The following COQ9 variants were observed in gnomAD, a reference collection of about 807,000 sequenced individuals.
The protein encoded by COQ9 is coenzyme Q9.
COQ9 carries 35 observed loss-of-function variants against 42.4 expected under a neutral mutation model. The ratio of observed to expected loss-of-function variants is 0.83; its 90% CI spans 0.63 to 1.10. The LOEUF (loss-of-function observed/expected upper bound fraction) is 1.10, where lower values mean the gene tolerates loss of function less well. Ranked by LOEUF, COQ9 falls within the 50% of genes least tolerant of loss-of-function variation. The pLI, the probability that COQ9 is intolerant of heterozygous loss-of-function variation, is 0.00. For missense variants in COQ9, 406 were observed against 414.6 expected (o/e 0.98, Z 0.18); for synonymous variants, 155 against 155.1 (o/e 1.00, Z 0.00).
In COQ9 at chr16:57,451,103, C is replaced by T; in HGVS notation, c.137C>T (p.Ser46Phe). The change falls in exon 2 of 9, where the codon TCT becomes TTT. Residue 46 changes from serine to phenylalanine, a missense_variant. Transcript: ENST00000262507. ...AFHASAVGLR[S>F]SDEQKQQPPN... Reference sequence around the variant, plus strand: ...CATGCTTCAGCTGTGGGGCTAAGGTCTTCAGATGAGCAGAAGCAGCAGCCT... The same window carrying T: ...CATGCTTCAGCTGTGGGGCTAAGGTTTTCAGATGAGCAGAAGCAGCAGCCT... 6.2e-7 allele frequency: 1 copy of T among 1,614,152 alleles called. No individual in the cohort carries two copies.
rs769613375 is a variant in COQ9, at chr16:57,460,043, CCTT to C, written c.868-5_868-3del. 6.2e-7 allele frequency: 1 copy of C among 1,614,014 alleles called. No homozygotes were observed. The highest frequency in any genetic ancestry group is 1.1e-5 in the South Asian group (1 of 91,060). On this transcript the variant is annotated splice_region_variant and splice_polypyrimidine_tract_variant and intron_variant, in intron 7 of 8. Transcript: ENST00000262507. ...GGCCTAAGGGAACCTGACACTGACT[CCTT>C]CTAGGTAAAGTCCACAGGAGAGGCA...
chr16:57,451,579 C>T (rs1489552227), intron 2 of COQ9, among the ~76,000 whole-genome samples: 3 of 152,196 alleles, frequency 2.0e-5, no homozygotes, highest in Non-Finnish European at 2.9e-5. Flanking sequence ...GCAGTTTTAT[C>T]CAAAATTACA....
In COQ9 at chr16:57,451,178, C is replaced by G. The variant is rs200508466; in HGVS notation, c.212C>G (p.Pro71Arg). 2 of 1,614,204 alleles carry G rather than the reference C, an allele frequency of 1.2e-6. No individual in the cohort carries two copies. The highest frequency in any genetic ancestry group is 1.7e-6 in the Non-Finnish European group (2 of 1,180,030). ...TCTGAGACACAGGGGGCAGAAAAAC[C>G]TGATCCAGAGTCTTCTCATTCACCC... ...QHSETQGAEKPDPESSHSPPR... is the reference protein window; with the variant it reads ...QHSETQGAEKRDPESSHSPPR... The change falls in exon 2 of 9, where the codon CCT becomes CGT. Residue 71 changes from proline to arginine, a missense_variant. Transcript: ENST00000262507.
At chr16:57,448,358 T>C (rs1303180285) in intron 1 of COQ9, among the ~76,000 whole-genome samples, 2 of 151,550 alleles carry the variant, frequency 1.3e-5, no homozygotes, top group East Asian at 1.9e-4. Context: ...TTTTTTTTTT[T>C]CTGAGACAGG....
intron 1 of COQ9, chr16:57,447,965 T>C (rs1360062694): frequency 5.5e-6 from 1 of 182,714 alleles, no homozygotes; most frequent in Non-Finnish European, 1.1e-5. Context: ...GTCCATTGTT[T>C]CCCGAAAGCC....
rs112075830 is a variant in COQ9, at chr16:57,461,035, C to T, written c.*411C>T. 3,093 of 376,970 alleles carry T rather than the reference C, an allele frequency of 8.2e-3. 103 individuals carry two copies. Among genetic ancestry groups the T allele is most frequent in the African/African-American group, 0.06 (2,852 of 47,476 alleles). 23.4% of individuals were successfully genotyped at this position (376,970 alleles called of 1,614,324 possible). A position where few individuals can be genotyped will look rare whatever the true frequency, so the allele number is the denominator to read the frequency against. On this transcript the variant is annotated 3_prime_UTR_variant, in exon 9 of 9. Coordinates refer to ENST00000262507, the MANE Select transcript of COQ9 (RefSeq NM_020312.4). ...CTGACGCCACCTCAAGGTGACAGCTCATCTCCAGCACAGCACAGGCGTGTG... is the reference window on the plus strand; with the variant it reads ...CTGACGCCACCTCAAGGTGACAGCTTATCTCCAGCACAGCACAGGCGTGTG...
intron 8 of COQ9, 105 bp downstream of exon 8, chr16:57,460,209 ATAATC>A (rs1162306944): frequency 1.4e-5 from 16 of 1,135,108 alleles, no homozygotes; most frequent in Non-Finnish European, 2.0e-5. Context: ...CCTGGAAACA[ATAATC>A]TAATAATAAG....
chr16:57,458,697 A>C (rs1480672501), intron 6 of COQ9, among the ~76,000 whole-genome samples: 1 of 152,230 alleles, frequency 6.6e-6, no homozygotes, highest in Non-Finnish European at 1.5e-5. Context: ...CTCTTTTGAA[A>C]AAAAGAAATG....
At chr16:57,456,408 C>G in intron 3 of COQ9, 96 bp from the exon 4 acceptor site, 8 of 1,384,620 alleles carry the variant, frequency 5.8e-6, no homozygotes, top group Non-Finnish European at 8.2e-6. Flanking sequence ...AGAAATCAAG[C>G]TGCTGTCACT....
rs760161943 is a variant in COQ9, at chr16:57,456,889, C to T, written c.522-42C>T. On this transcript the variant is annotated intron_variant, in intron 4 of 8. Coordinates refer to ENST00000262507, the MANE Select transcript of COQ9 (RefSeq NM_020312.4). ...TAAACCGTGGAGCACTGAGCCCCTG[C>T]CTTTCACTCAGAGACACACTGTTTT... 7 of 1,551,372 alleles carry T rather than the reference C, an allele frequency of 4.5e-6. No individual in the cohort carries two copies. In the South Asian group the frequency reaches 7.8e-5, roughly 17 times the overall value.
chr16:57,453,920 A>G (rs891330330), intron 3 of COQ9: 3 of 152,254 alleles, frequency 2.0e-5, no homozygotes, highest in Admixed American at 6.5e-5. Flanking sequence ...TCCAAGAGAC[A>G]TGACAGGGGT....
In COQ9 at chr16:57,458,351, G is replaced by A. The variant is rs1232458405; in HGVS notation, c.711+1G>A. ...TTACGCTGGGGACCAGTCCACTGAT[G>A]TGAGTGCTTTCTGCAGGCCCACAGG... On this transcript the variant is annotated splice_donor_variant, in intron 6 of 8. Coordinates refer to ENST00000262507, the MANE Select transcript of COQ9 (RefSeq NM_020312.4). LOFTEE classifies it high-confidence loss of function. 6.2e-7 allele frequency: 1 copy of A among 1,604,910 alleles called. No individual in the cohort carries two copies. The highest frequency in any genetic ancestry group is 8.5e-7 in the Non-Finnish European group (1 of 1,173,036).
chr16:57,456,755 A>G, intron 4 of COQ9, 109 bp downstream of exon 4: 3 of 1,423,730 alleles, frequency 2.1e-6, no homozygotes, highest in South Asian at 2.4e-5. Context: ...AGAGAGCAGC[A>G]TTGGGCAGCC....
chr16:57,453,343 T>C, intron 3 of COQ9: 1 of 314,108 alleles, frequency 3.2e-6, no homozygotes, highest in South Asian at 2.9e-5. Flanking sequence ...TATATCTGCA[T>C]CTTAGAATTA....
rs754461521 is a variant in COQ9, at chr16:57,456,619, A to G, written c.494A>G (p.Gln165Arg). 2.5e-6 allele frequency: 4 copies of G among 1,614,088 alleles called. No homozygotes were observed. The highest frequency in any genetic ancestry group is 3.4e-6 in the Non-Finnish European group (4 of 1,180,014). ...CTCACACGTGTGCTAGAAGAGGAGC[A>G]GAAGCTGGTACAGTTGGGCCAGGCG... Reference protein sequence around the residue: ...TRLTRVLEEEQKLVQLGQAEK... With the variant: ...TRLTRVLEEERKLVQLGQAEK... The change falls in exon 4 of 9, where the codon CAG becomes CGG. Residue 165 changes from glutamine to arginine, a missense_variant. Transcript: ENST00000262507.
chr16:57,460,194 C>T, intron 8 of COQ9, 90 bp downstream of exon 8: 1 of 1,314,832 alleles, frequency 7.6e-7, no homozygotes, highest in Non-Finnish European at 1.1e-6. Context: ...ATTTTGTAGC[C>T]CTAACCTGGA....
chr16:57,449,476 A>C (rs1237536439), intron 1 of COQ9, among the ~76,000 whole-genome samples: 2 of 151,984 alleles, frequency 1.3e-5, no homozygotes, highest in East Asian at 3.9e-4. Flanking sequence ...AAAAATATGG[A>C]TCAATCTCAA....
Position 57,459,589 on chromosome 16 carries a change from A to G in COQ9, c.736A>G (p.Met246Val). 1 of 1,614,162 alleles carries G rather than the reference A, an allele frequency of 6.2e-7. No individual in the cohort carries two copies. Among genetic ancestry groups the G allele is most frequent in the Non-Finnish European group, 8.5e-7 (1 of 1,180,022 alleles). The change falls in exon 7 of 9, where the codon ATG (methionine) becomes GTG (valine). Residue 246 changes from methionine (M) to valine (V), a missense_variant. Met to Val is a conservative substitution (Grantham distance 21, BLOSUM62 1). Coordinates refer to ENST00000262507, the MANE Select transcript of COQ9 (RefSeq NM_020312.4). The stretch of plus-strand genomic sequence containing the variant: ...GTTTAACTGGTACACCCGCCGAGCC[A>G]TGCTGGCTGCCATCTACAACACAAC... Reference protein sequence around the residue: ...TDFNWYTRRAMLAAIYNTTEL... With the variant: ...TDFNWYTRRAVLAAIYNTTEL...
At chr16:57,460,495 A>G (rs2146594033) in intron 8 of COQ9, 94 bp from the exon 9 acceptor site, 1 of 1,312,300 alleles carries the variant, frequency 7.6e-7, no homozygotes, top group South Asian at 1.3e-5. Flanking sequence ...AAAAAGAAAA[A>G]AAAAAAGAGA....
Sources: allele counts gnomAD v4.1 joint callset (sites outside exome capture counted in the v4.1 genomes callset), GRCh38; gene constraint gnomAD v4.1.1; transcripts MANE v1.5; gene names NCBI Gene and HGNC (gene_info 2026-07-23, HGNC 2026-07-21).